Variants in FOXP1 observed in about 807,000 individuals in gnomAD.
FOXP1 encodes forkhead box P1, also known as forkhead box protein P1.
In FOXP1, 15 loss-of-function variants were observed where a neutral mutation model predicts 98.2. That is an observed-to-expected ratio of 0.15 (90% confidence interval 0.10 to 0.24). FOXP1 has a LOEUF of 0.24. Among genes scored for constraint, FOXP1 ranks in the 10% least tolerant of loss-of-function variants. The pLI, the probability that FOXP1 is intolerant of heterozygous loss-of-function variation, is 1.00. For synonymous variants in FOXP1, 371 were observed against 314.5 expected, an observed-to-expected ratio of 1.18 and a Z score of -1.90; for missense variants, 633 against 848.5, an observed-to-expected ratio of 0.75 and a Z score of 3.15.
At chr3:71,342,962 A>G (rs1330725779) in intron 4 of FOXP1, among the ~76,000 whole-genome samples, 2 of 152,214 alleles carry the variant, frequency 1.3e-5, no homozygotes, top group East Asian at 3.8e-4. Context: ...ATAATAGGCA[A>G]TCTCTCTGAG....
chr3:71,365,902 G>T (rs2078894915), intron 3 of FOXP1, among the ~76,000 whole-genome samples: 1 of 152,202 alleles, frequency 6.6e-6, no homozygotes, highest in Admixed American at 6.5e-5. Flanking sequence ...AGAATTGCTT[G>T]AAACTGGGAG....
At chr3:71,451,337 T>C (rs2086933373) in intron 3 of FOXP1, among the ~76,000 whole-genome samples, 1 of 152,172 alleles carries the variant, frequency 6.6e-6, no homozygotes, top group Admixed American at 6.5e-5. Context: ...TATAAAAGGA[T>C]TGTGAAAGCC....
In FOXP1 at chr3:71,558,802, C is replaced by CTTTT. The variant is rs35405702; in HGVS notation, c.-298+22743_-298+22746dup. ...AGCCACCACACCCAGCCGATTCTCA[C>CTTTT]TTTTTTTTTTTTTTTTTTGAGGCAG... is the stretch of plus-strand genomic sequence containing the variant. On this transcript the variant is annotated intron_variant, in intron 2 of 20. Transcript: ENST00000649528. Among the ~76,000 whole-genome samples, 310 of 117,532 alleles carry CTTTT rather than the reference C, an allele frequency of 2.6e-3. 8 individuals are homozygous for CTTTT. Among genetic ancestry groups the CTTTT allele is most frequent in the African/African-American group, 9.2e-3 (267 of 29,152 alleles). The allele number at this position is 117,532 out of a possible 152,430, so 77.1% of individuals were successfully genotyped here.
intron 14 of FOXP1, among the ~76,000 whole-genome samples, chr3:70,982,211 T>G (rs2038989133): frequency 6.6e-6 from 1 of 152,090 alleles, no homozygotes; most frequent in African/African-American, 2.4e-5. Flanking sequence ...GAAGAGCAAA[T>G]GGGGAATGGT....
At chr3:71,431,887 A>G (rs747184270) in intron 3 of FOXP1, among the ~76,000 whole-genome samples, 5 of 152,142 alleles carry the variant, frequency 3.3e-5, no homozygotes, top group Non-Finnish European at 7.3e-5. Context: ...AAAGCTATAG[A>G]GTGATTTTTT....
At chr3:70,966,853 G>C (rs556818099) in intron 19 of FOXP1, among the ~76,000 whole-genome samples, 2 of 152,298 alleles carry the variant, frequency 1.3e-5, no homozygotes, top group East Asian at 3.9e-4. Flanking sequence ...ATTTAGGATA[G>C]GTAGGATATT....
At chr3:70,980,185 A>T (rs2038573614) in intron 14 of FOXP1, among the ~76,000 whole-genome samples, 1 of 152,184 alleles carries the variant, frequency 6.6e-6, no homozygotes, top group African/African-American at 2.4e-5. Flanking sequence ...CTGAGAAGCC[A>T]AGGGGGGAAG....
chr3:70,979,303 A>G (rs1200929045), intron 14 of FOXP1, among the ~76,000 whole-genome samples: 34 of 145,152 alleles, frequency 2.3e-4, no homozygotes, highest in South Asian at 8.7e-4. Flanking sequence ...AAAAAAAAAA[A>G]AAAAAAAAAA....
At chr3:70,962,540 G>C (rs939724718) in intron 20 of FOXP1, among the ~76,000 whole-genome samples, 1 of 152,178 alleles carries the variant, frequency 6.6e-6, no homozygotes, top group Admixed American at 6.5e-5. Flanking sequence ...CTTAAATTGT[G>C]TTTCTCAGAT....
rs117771873 is a variant in FOXP1, at chr3:71,250,225, C to T, written c.-12+49595G>A. On this transcript the variant is annotated intron_variant, in intron 5 of 20. Coordinates refer to ENST00000649528, the MANE Select transcript of FOXP1 (RefSeq NM_001349338.3). ...CATTCGTGACCTCCAAAAACGTCTCCAGACGTTGCCAAATGTCCCCTGCTG... is the reference window on the plus strand; with the variant it reads ...CATTCGTGACCTCCAAAAACGTCTCTAGACGTTGCCAAATGTCCCCTGCTG... Among the ~76,000 whole-genome samples the T allele has an allele frequency of 5.9e-3, 902 of 152,316 alleles. 21 individuals are homozygous for T. In the East Asian group the frequency reaches 0.07, roughly 12 times the overall value.
intron 2 of FOXP1, among the ~76,000 whole-genome samples, chr3:71,560,144 C>T (rs539936334): frequency 1.9e-4 from 29 of 152,298 alleles, no homozygotes; most frequent in Admixed American, 2.0e-4. Context: ...TTTTCAGTTA[C>T]GTGAGTCACT....
At chr3:71,526,052 C>T (rs910650535) in intron 2 of FOXP1, among the ~76,000 whole-genome samples, 5 of 152,126 alleles carry the variant, frequency 3.3e-5, no homozygotes, top group Admixed American at 2.6e-4. Context: ...ATCCAGGAGA[C>T]AGAATTTGCA....
chr3:71,224,420 G>A (rs2065665056), intron 5 of FOXP1, among the ~76,000 whole-genome samples: 1 of 152,178 alleles, frequency 6.6e-6, no homozygotes. Context: ...ATGGTATAGA[G>A]GGTACTACTG....
intron 6 of FOXP1, among the ~76,000 whole-genome samples, chr3:71,197,249 C>T (rs571555432): frequency 6.6e-6 from 1 of 152,104 alleles, no homozygotes; most frequent in South Asian, 2.1e-4. Context: ...CTGAGTGGCG[C>T]CATAACTATG....
chr3:71,391,489 G>A lies in FOXP1; in HGVS notation c.-167-32245C>T, dbSNP rs1314123362. 3.3e-5 allele frequency among the ~76,000 whole-genome samples: 5 copies of A among 152,126 alleles called. No homozygotes were observed. In the East Asian group the frequency reaches 5.8e-4, roughly 18 times the overall value. Reference sequence around the variant, plus strand: ...CCTTTCTTTCATCATTCCCTACCTTGTCTGGTCGCTGGTGAAAACCAGGAA... The same window carrying A: ...CCTTTCTTTCATCATTCCCTACCTTATCTGGTCGCTGGTGAAAACCAGGAA... On this transcript the variant is annotated intron_variant, in intron 3 of 20. Transcript: ENST00000649528.
At chr3:71,222,726 C>T (rs775772648) in intron 5 of FOXP1, among the ~76,000 whole-genome samples, 14 of 152,336 alleles carry the variant, frequency 9.2e-5, no homozygotes, top group East Asian at 5.8e-4. Context: ...CCAACCCATT[C>T]GCTGTTGGTG....
intron 5 of FOXP1, among the ~76,000 whole-genome samples, chr3:71,271,754 A>G (rs2070378242): frequency 6.6e-6 from 1 of 152,208 alleles, no homozygotes; most frequent in Non-Finnish European, 1.5e-5. Context: ...CTCACGTACC[A>G]AAAAATAGAA....
Position 71,162,888 on chromosome 3 carries a change from T to C in FOXP1, c.180+35314A>G, listed in dbSNP as rs528401720. ...TTTATTTTTTACATTTGATAAAATC[T>C]TCCCGGTAGCATTTATTATTCCAGT... On this transcript the variant is annotated intron_variant, in intron 6 of 20. Coordinates refer to ENST00000649528, the MANE Select transcript of FOXP1 (RefSeq NM_001349338.3). Among the ~76,000 whole-genome samples the C allele has an allele frequency of 1.3e-3, 198 of 152,342 alleles. 1 individual carries two copies. Among genetic ancestry groups the C allele is most frequent in the African/African-American group, 4.4e-3 (185 of 41,580 alleles).
intron 3 of FOXP1, among the ~76,000 whole-genome samples, chr3:71,396,565 C>T (rs2081386258): frequency 6.6e-6 from 1 of 151,984 alleles, no homozygotes; most frequent in Non-Finnish European, 1.5e-5. Context: ...ACAAAGACTC[C>T]TAAAGGAGCC....
Sources: allele counts gnomAD v4.1 joint callset (sites outside exome capture counted in the v4.1 genomes callset), GRCh38; gene constraint gnomAD v4.1.1; transcripts MANE v1.5; gene names NCBI Gene and HGNC (gene_info 2026-07-23, HGNC 2026-07-21).